Variants in ZNF569 observed in about 807,000 individuals in gnomAD.
ZNF569 encodes the protein DNA-binding protein.
In ZNF569, 38 loss-of-function variants were observed where a neutral mutation model predicts 56.3. That is an observed-to-expected ratio of 0.68 (90% confidence interval 0.52 to 0.88). ZNF569 has a LOEUF of 0.88. Ranked by LOEUF, ZNF569 falls within the 40% of genes least tolerant of loss-of-function variation. The probability of loss-of-function intolerance (pLI) is 0.00; values close to 1 mark genes in which losing one functional copy is unlikely to be tolerated. For synonymous variants in ZNF569, 241 were observed against 262.9 expected (o/e 0.92, Z 0.81); for missense variants, 666 against 809.2 (o/e 0.82, Z 2.15).
intron 5 of ZNF569, among the ~76,000 whole-genome samples, chr19:37,417,746 T>C (rs1400482169): frequency 6.6e-6 from 1 of 152,094 alleles, no homozygotes; most frequent in African/African-American, 2.4e-5. Flanking sequence ...ATACTGGGGG[T>C]TGCCACCATA....
chr19:37,426,326 T>C lies in ZNF569; in HGVS notation c.68A>G (p.Lys23Arg), dbSNP rs771094349. The change falls in exon 4 of 6, where the codon AAG becomes AGG. Residue 23 changes from lysine to arginine, a missense_variant. Physicochemically the swap from Lys to Arg is conservative, Grantham distance 26. Transcript: ENST00000316950. ...TTTTCTCTGAGCAGGATCCAATCTCTTCCACTCCTCCTGAGTGAAGTCGAT... is the reference window on the plus strand; with the variant it reads ...TTTTCTCTGAGCAGGATCCAATCTCCTCCACTCCTCCTGAGTGAAGTCGAT... ...VAIDFTQEEW[K>R]RLDPAQRKLY... 8 of 1,613,136 alleles carry C rather than the reference T, an allele frequency of 5.0e-6. No homozygotes were observed. The East Asian group carries it at 1.8e-4, about 36-fold the overall frequency.
chr19:37,463,827 T>C (rs2041791296), intron 2 of ZNF569, among the ~76,000 whole-genome samples: 2 of 152,184 alleles, frequency 1.3e-5, no homozygotes, highest in African/African-American at 4.8e-5. Flanking sequence ...TAGGCTAATA[T>C]GTTTGTGTCT....
At chr19:37,442,994 T>G (rs950890547) in intron 3 of ZNF569, among the ~76,000 whole-genome samples, 4 of 152,226 alleles carry the variant, frequency 2.6e-5, no homozygotes, top group African/African-American at 9.6e-5. Flanking sequence ...ACAGGTATGT[T>G]CATTTTGAAA....
chr19:37,415,999 G>A (rs1267041388), intron 5 of ZNF569, among the ~76,000 whole-genome samples: 1 of 152,024 alleles, frequency 6.6e-6, no homozygotes, highest in Non-Finnish European at 1.5e-5. Flanking sequence ...TTGGGAGGCT[G>A]AGGCAAACAG....
intron 3 of ZNF569, among the ~76,000 whole-genome samples, chr19:37,430,845 T>C (rs1195976232): frequency 2.0e-5 from 3 of 152,216 alleles, no homozygotes; most frequent in African/African-American, 7.2e-5. Flanking sequence ...TCTCCGGCAG[T>C]GGCCATATGG....
intron 3 of ZNF569, among the ~76,000 whole-genome samples, chr19:37,436,516 G>A (rs1294789159): frequency 6.6e-6 from 1 of 150,900 alleles, no homozygotes; most frequent in African/African-American, 2.4e-5. Flanking sequence ...TGAAGAAAAT[G>A]ATACAAAAGA....
intron 2 of ZNF569, among the ~76,000 whole-genome samples, chr19:37,454,455 T>C (rs897207122): frequency 6.6e-6 from 1 of 152,146 alleles, no homozygotes; most frequent in Non-Finnish European, 1.5e-5. Context: ...CTCTGCCAGC[T>C]GTAGTGCTAG....
chr19:37,446,198 G>A (rs906840991), intron 2 of ZNF569, among the ~76,000 whole-genome samples: 1 of 152,148 alleles, frequency 6.6e-6, no homozygotes, highest in East Asian at 1.9e-4. Flanking sequence ...CATAAAGTGG[G>A]GAAAGGAAAC....
intron 2 of ZNF569, among the ~76,000 whole-genome samples, chr19:37,454,125 A>G (rs1386719615): frequency 2.0e-5 from 3 of 152,140 alleles, no homozygotes; most frequent in Non-Finnish European, 2.9e-5. Context: ...CTGTGGTTAC[A>G]CTGAGTGTAC....
At chr19:37,460,754 A>T (rs1049788873) in intron 2 of ZNF569, among the ~76,000 whole-genome samples, 1 of 151,336 alleles carries the variant, frequency 6.6e-6, no homozygotes, top group Non-Finnish European at 1.5e-5. Context: ...CAATACAGTG[A>T]TACCCTGTCT....
rs1307227844 is a variant in ZNF569 at position 37,412,851 on chromosome 19, C to T, written c.1807G>A (p.Glu603Lys). The change falls in exon 6 of 6, where the codon GAA becomes AAA. Residue 603 changes from glutamate (E) to lysine (K), a missense_variant. Glu to Lys is a moderately conservative substitution (Grantham distance 56). Transcript: ENST00000316950. Reference sequence around the variant, plus strand: ...CATTTATTACATTCATAGGGTTTTTCACCTGTATGGCCTCTCATGTGCACA... The same window carrying T: ...CATTTATTACATTCATAGGGTTTTTTACCTGTATGGCCTCTCATGTGCACA... ...LIVHMRGHTG[E>K]KPYECNKCGK... 9 of 1,613,934 alleles carry T rather than the reference C, an allele frequency of 5.6e-6. No individual in the cohort carries two copies. The highest frequency in any genetic ancestry group is 7.6e-6 in the Non-Finnish European group (9 of 1,179,942).
rs144008113 is a variant in ZNF569 at position 37,414,171 on chromosome 19, C to G, written c.487G>C (p.Glu163Gln). 58 of 1,613,298 alleles carry G rather than the reference C, an allele frequency of 3.6e-5. No individual in the cohort carries two copies. The highest frequency in any genetic ancestry group is 1.7e-4 in the Middle Eastern group (1 of 6,056). ...HNNVKCLMRK[E>Q]HCEYNEPVKS... ...ACAGGTTCATTATATTCACAATGCTCCTTTCTCATAAGGCATTTCACATTA... is the reference window on the plus strand; with the variant it reads ...ACAGGTTCATTATATTCACAATGCTGCTTTCTCATAAGGCATTTCACATTA... Residue 163 changes from glutamate to glutamine, a missense_variant, in exon 6 of 6, where the codon GAG becomes CAG. Coordinates refer to ENST00000316950, the MANE Select transcript of ZNF569 (RefSeq NM_152484.3).
intron 3 of ZNF569, among the ~76,000 whole-genome samples, chr19:37,443,126 A>G (rs557742899): frequency 1.5e-3 from 223 of 152,260 alleles, no homozygotes; most frequent in African/African-American, 5.2e-3. Flanking sequence ...GCGGGCAGAT[A>G]ACCCGAGGTC....
intron 3 of ZNF569, among the ~76,000 whole-genome samples, chr19:37,443,155 T>A (rs2041435490): frequency 6.6e-6 from 1 of 152,168 alleles, no homozygotes; most frequent in South Asian, 2.1e-4. Context: ...GAGACCAGCC[T>A]GGCCAACAGG....
chr19:37,460,610 C>T (rs372642796), intron 2 of ZNF569, among the ~76,000 whole-genome samples: 132 of 151,768 alleles, frequency 8.7e-4, no homozygotes, highest in Non-Finnish European at 1.6e-3. Flanking sequence ...AGAGATGAAG[C>T]TAGGCGTGGT....
chr19:37,443,262 C>T (rs1405287372), intron 3 of ZNF569, among the ~76,000 whole-genome samples: 1 of 152,186 alleles, frequency 6.6e-6, no homozygotes, highest in Non-Finnish European at 1.5e-5. Context: ...AGGAGAATTG[C>T]TTGAACCTGG....
At chr19:37,469,099 C>G (rs1012706899), upstream of ZNF569, 42 of 1,046,176 alleles carry the variant, frequency 4.0e-5, no homozygotes, top group Middle Eastern at 9.4e-4. Context: ...CGCTGGGCCC[C>G]GTCCCTGTGA....
Position 37,412,880 on chromosome 19 carries a change from AG to A in ZNF569, c.1777del (p.Ile594LeufsTer4). 6.2e-7 allele frequency: 1 copy of A among 1,614,082 alleles called. No individual in the cohort carries two copies. The highest frequency in any genetic ancestry group is 8.5e-7 in the Non-Finnish European group (1 of 1,179,956). On this transcript the variant is annotated frameshift_variant, in exon 6 of 6. Transcript: ENST00000316950. LOFTEE classifies it high-confidence loss of function. ...TGTATGGCCTCTCATGTGCACAATA[AG>A]GGAAGTTCTTTGAGAGAAGGCTTTC... Reference protein sequence around the residue: ...CGKAFSQRTSLIVHMRGHTGE... With the variant: ...CGKAFSQRTSXIVHMRGHTGE...
intron 5 of ZNF569, among the ~76,000 whole-genome samples, chr19:37,425,449 G>A (rs917852946): frequency 5.3e-5 from 8 of 150,324 alleles, no homozygotes; most frequent in African/African-American, 2.0e-4. Context: ...AGCCTCCCAA[G>A]TAGCTGGGAC....
Sources: gnomAD v4.1 joint callset for allele counts (sites outside exome capture counted in the v4.1 genomes callset) on GRCh38, gnomAD v4.1.1 for gene constraint, MANE v1.5 for transcripts, NCBI Gene and HGNC (gene_info 2026-07-23, HGNC 2026-07-21) for gene names.